USP18: variants seen among roughly 807,000 people sequenced by gnomAD.
USP18 encodes ubl carboxyl-terminal hydrolase 18.
A neutral mutation model predicts 48.7 loss-of-function variants in USP18; 11 were observed. That is an observed-to-expected ratio of 0.23 (90% CI 0.14 to 0.37). USP18 has a LOEUF of 0.37. Ranked by LOEUF, USP18 falls within the 10% of genes least tolerant of loss-of-function variation. USP18 has a pLI of 1.00. For synonymous variants in USP18, 114 were observed against 163.2 expected (o/e 0.70, Z 2.30); for missense variants, 285 against 436.4 (o/e 0.65, Z 3.09).
intron 3 of USP18, among the ~76,000 whole-genome samples, chr22:18,160,561 CA>C (rs1352014981): frequency 2.0e-5 from 3 of 152,120 alleles, no homozygotes; most frequent in African/African-American, 7.2e-5. Context: ...CTCAGCTTCC[CA>C]AAGTGCTGGA....
chr22:18,173,432 C>G, intron 9 of USP18, 151 bp downstream of exon 9: 1 of 1,148,954 alleles, frequency 8.7e-7, no homozygotes, highest in South Asian at 1.6e-5. Flanking sequence ...AAGCCTTTTT[C>G]GGTCTGAAGT....
At chr22:18,151,760 A>C (rs1428324703) in intron 1 of USP18, among the ~76,000 whole-genome samples, 1 of 152,092 alleles carries the variant, frequency 6.6e-6, no homozygotes, top group Admixed American at 6.5e-5. Flanking sequence ...ACGATTACTC[A>C]AGAAATGCAA....
Position 18,173,174 on chromosome 22 carries a change from G to C in USP18, c.916G>C (p.Ala306Pro). ...EQSGGQYELF[A>P]VIAHVGMADS... Reference sequence around the variant, plus strand: ...GTCTGGAGGGCAGTATGAGCTTTTTGCTGTGATTGCGCACGTGGGAATGGC... The same window carrying C: ...GTCTGGAGGGCAGTATGAGCTTTTTCCTGTGATTGCGCACGTGGGAATGGC... The change falls in exon 9 of 11, where the codon GCT (alanine) becomes CCT (proline). Residue 306 changes from alanine to proline, a missense_variant. By Grantham distance (27) the Ala-to-Pro change is conservative (BLOSUM62 -1). This residue lies in a region of USP18 where 8 missense variants were observed against 17.9 expected (regional missense o/e 0.45). Coordinates refer to ENST00000215794, the MANE Select transcript of USP18 (RefSeq NM_017414.4). 6.2e-7 allele frequency: 1 copy of C among 1,605,184 alleles called. No homozygotes were observed. The highest frequency in any genetic ancestry group is 8.5e-7 in the Non-Finnish European group (1 of 1,175,926).
chr22:18,160,767 CTTTTTTTTT>C (rs951642767), intron 3 of USP18, among the ~76,000 whole-genome samples: 1 of 114,488 alleles, frequency 8.7e-6, no homozygotes, highest in Non-Finnish European at 1.8e-5. Flanking sequence ...AGTATTGGTA[CTTTTTTTTT>C]TTTTTTTTTT....
chr22:18,159,043 T>C (rs1929245922), intron 2 of USP18, among the ~76,000 whole-genome samples: 1 of 152,240 alleles, frequency 6.6e-6, no homozygotes, highest in Non-Finnish European at 1.5e-5. Context: ...AAAACTTTTC[T>C]TGTTATCGAA....
At chr22:18,173,332 G>A (rs367876622) in intron 9 of USP18, 51 bp downstream of exon 9, 149 of 1,581,258 alleles carry the variant, frequency 9.4e-5, no homozygotes, top group Non-Finnish European at 1.2e-4. Flanking sequence ...GCCACCTCTA[G>A]CAAATGCTGG....
At position 18,153,147 on chromosome 22, in the gene USP18, G is replaced by A. The variant is rs1929041422; in HGVS notation, c.-107+2925G>A. On this transcript the variant is annotated intron_variant, in intron 1 of 10. Transcript: ENST00000215794. ...AACATGAATTTAAGAATATATTCCAGGCTGGGCGCGGTGGCTCATGCCTGT... is the reference window on the plus strand; with the variant it reads ...AACATGAATTTAAGAATATATTCCAAGCTGGGCGCGGTGGCTCATGCCTGT... Among the ~76,000 whole-genome samples the A allele has an allele frequency of 2.0e-5, 3 of 152,176 alleles. 1 individual carries two copies. The highest frequency in any genetic ancestry group is 1.3e-4 in the Admixed American group (2 of 15,278).
At chr22:18,175,250 A>C (rs1225450780) in intron 10 of USP18, among the ~76,000 whole-genome samples, 2 of 152,156 alleles carry the variant, frequency 1.3e-5, no homozygotes, top group East Asian at 3.8e-4. Flanking sequence ...GGAGAGAAAA[A>C]AGGTGGATGA....
chr22:18,166,935 T>A (rs1274810536), intron 4 of USP18, among the ~76,000 whole-genome samples: 14 of 151,598 alleles, frequency 9.2e-5, no homozygotes, highest in Admixed American at 6.6e-5. Flanking sequence ...GACGGAGTCT[T>A]GCTATGTTGC....
At chr22:18,173,040 T>A in intron 8 of USP18, 110 bp from the exon 9 acceptor site, 3 of 1,563,534 alleles carry the variant, frequency 1.9e-6, no homozygotes, top group Non-Finnish European at 2.6e-6. Context: ...CGGGACTGTT[T>A]TCTAATATTC....
intron 1 of USP18, among the ~76,000 whole-genome samples, chr22:18,156,348 A>C (rs545921003): frequency 5.3e-5 from 8 of 152,362 alleles, no homozygotes; most frequent in Non-Finnish European, 8.8e-5. Context: ...TGCCCGAGCC[A>C]GCAGTGGCAA....
chr22:18,168,478 C>A (rs1258450830), intron 6 of USP18, among the ~76,000 whole-genome samples: 2 of 151,708 alleles, frequency 1.3e-5, no homozygotes, highest in African/African-American at 4.8e-5. Flanking sequence ...CTCACTGCAA[C>A]CTCCGCCTCT....
Position 18,167,949 on chromosome 22 carries a change from C to T in USP18, c.540C>T (p.Asp180=), listed in dbSNP as rs1194247047. The T allele has an allele frequency of 1.2e-6, 2 of 1,614,100 alleles. No homozygotes were observed. Residue 180 remains aspartate (D), a synonymous_variant, in exon 6 of 11, where the codon GAC becomes GAT. Transcript: ENST00000215794. ...TGAAGGACTCCTTGATTTGCGTTGA[C>T]TGTGCCATGGAGAGTAGCAGAAACA... ...IRVKDSLICV[D]CAMESSRNSS...
chr22:18,153,429 C>CAAAAAA (rs773524805), intron 1 of USP18, among the ~76,000 whole-genome samples: 36 of 126,364 alleles, frequency 2.8e-4, no homozygotes, highest in African/African-American at 9.2e-4. Flanking sequence ...AATTCCATCT[C>CAAAAAA]AAAAAAAAAA....
chr22:18,150,479 A>G (rs930830939), intron 1 of USP18, among the ~76,000 whole-genome samples: 9 of 152,242 alleles, frequency 5.9e-5, no homozygotes, highest in Non-Finnish European at 1.2e-4. Context: ...AGCTTGTAAA[A>G]AAATTCAAAC....
chr22:18,170,271 C>G (rs1240586287), intron 7 of USP18, among the ~76,000 whole-genome samples: 1 of 151,864 alleles, frequency 6.6e-6, no homozygotes, highest in Non-Finnish European at 1.5e-5. Flanking sequence ...TGGGGTTGCC[C>G]CCCGTGGATT....
At chr22:18,151,971 G>A (rs1929010373) in intron 1 of USP18, among the ~76,000 whole-genome samples, 2 of 152,096 alleles carry the variant, frequency 1.3e-5, no homozygotes, top group South Asian at 4.1e-4. Flanking sequence ...GGAGAATGGC[G>A]TGAACCTGGG....
chr22:18,172,971 G>A (rs144929565), intron 8 of USP18, among the ~76,000 whole-genome samples, 179 bp from the exon 9 acceptor site: 4,988 of 147,624 alleles, frequency 0.034, 120 homozygotes, highest in South Asian at 0.042. Context: ...CTGAGCCTTC[G>A]CAGTTCAGGA....
At chr22:18,155,129 T>C (rs1186508934) in intron 1 of USP18, among the ~76,000 whole-genome samples, 1 of 152,272 alleles carries the variant, frequency 6.6e-6, no homozygotes, top group Non-Finnish European at 1.5e-5. Flanking sequence ...ACAGCTGTGA[T>C]GGCGTGCTTG....
Sources: gnomAD v4.1 joint callset for allele counts (sites outside exome capture counted in the v4.1 genomes callset) on GRCh38, gnomAD v4.1.1 for gene constraint, gnomAD v4.1.1 regional missense constraint, MANE v1.5 for transcripts, NCBI Gene and HGNC (gene_info 2026-07-23, HGNC 2026-07-21) for gene names.